The following DCAF1 variants were observed in gnomAD, a reference collection of about 807,000 sequenced individuals.
The protein encoded by DCAF1 is DDB1- and CUL4-associated factor 1.
A neutral mutation model predicts 128.0 loss-of-function variants in DCAF1; 15 were observed. The observed-to-expected ratio is 0.12, with a 90% CI of 0.08 to 0.18. DCAF1 has a LOEUF of 0.18. Ranked by LOEUF, DCAF1 falls within the 10% of genes least tolerant of loss-of-function variation. The pLI is 1.00. For synonymous variants in DCAF1, 610 were observed against 603.0 expected (o/e 1.01, Z -0.17); for missense variants, 988 against 1,649.5 (o/e 0.60, Z 6.95).
rs1553631463 is a variant in DCAF1, at chr3:51,418,873, G to A, written c.3240C>T (p.Phe1080=). 1 of 1,605,128 alleles carries A rather than the reference G, an allele frequency of 6.2e-7. No individual in the cohort carries two copies. The highest frequency in any genetic ancestry group is 8.5e-7 in the Non-Finnish European group (1 of 1,175,592). ...CTTCCCGGAACACTGAAATAGGACGGAATCTAAGCAAAAAAAAGAGAGAAT... is the reference window on the plus strand; with the variant it reads ...CTTCCCGGAACACTGAAATAGGACGAAATCTAAGCAAAAAAAAGAGAGAAT... ...CFDRHLIFSR[F]RPISVFREAN... The change falls in exon 16 of 25, where the codon TTC becomes TTT. Residue 1080 remains phenylalanine, a synonymous_variant. Coordinates refer to ENST00000684031, the MANE Select transcript of DCAF1 (RefSeq NM_001387579.1).
At chr3:51,434,329 G>A (rs1345567762) in intron 9 of DCAF1, among the ~76,000 whole-genome samples, 15 of 151,594 alleles carry the variant, frequency 9.9e-5, no homozygotes, top group African/African-American at 3.4e-4. Context: ...TTGAGCCGGG[G>A]AGTTCAAGGC....
intron 1 of DCAF1, among the ~76,000 whole-genome samples, chr3:51,499,312 T>A (rs1050610236): frequency 6.6e-6 from 1 of 152,068 alleles, no homozygotes; most frequent in Non-Finnish European, 1.5e-5. Context: ...CCCTCTTTCA[T>A]GGGGATGGGA....
chr3:51,459,973 A>G (rs2108000840), intron 6 of DCAF1, among the ~76,000 whole-genome samples: 1 of 152,328 alleles, frequency 6.6e-6, no homozygotes, highest in South Asian at 2.1e-4. Context: ...AAAAACTGGA[A>G]GCATTCCCTT....
chr3:51,415,643 A>C (rs1161066450), intron 18 of DCAF1, among the ~76,000 whole-genome samples: 5 of 152,238 alleles, frequency 3.3e-5, no homozygotes, highest in African/African-American at 1.2e-4. Context: ...GCTGGAGTAC[A>C]GTGACATAAT....
At position 51,419,771 on chromosome 3, in the gene DCAF1, C is replaced by T; in HGVS notation, c.3199G>A (p.Asp1067Asn). The T allele has an allele frequency of 6.2e-7, 1 of 1,613,752 alleles. No individual in the cohort carries two copies. The highest frequency in any genetic ancestry group is 8.5e-7 in the Non-Finnish European group (1 of 1,179,710). The change falls in exon 15 of 25, where the codon GAT (aspartate) becomes AAT (asparagine). Residue 1067 changes from aspartate (D) to asparagine (N), a missense_variant. This residue lies in a region of DCAF1 where 105 missense variants were observed against 266.7 expected (regional missense o/e 0.39). Transcript: ENST00000684031. ...AGGTGCCTATCAAAGCATCCGCCAT[C>T]CACCCCTCCATACTTTGGAAATGAT... is the stretch of plus-strand genomic sequence containing the variant. Reference protein sequence around the residue: ...RASFPKYGGVDGGCFDRHLIF... With the variant: ...RASFPKYGGVNGGCFDRHLIF...
At chr3:51,418,292 A>G (rs1399947413) in intron 16 of DCAF1, 94 bp from the exon 17 acceptor site, 5 of 1,507,822 alleles carry the variant, frequency 3.3e-6, no homozygotes, top group Non-Finnish European at 3.5e-6. Context: ...TTGCATAAAA[A>G]TGTTGTTGAA....
At chr3:51,478,113 C>A (rs1705708448) in intron 3 of DCAF1, among the ~76,000 whole-genome samples, 1 of 152,182 alleles carries the variant, frequency 6.6e-6, no homozygotes, top group Non-Finnish European at 1.5e-5. Context: ...AAGCAATCCT[C>A]CTACCTCAGC....
At position 51,403,304 on chromosome 3, in the gene DCAF1, G is replaced by A. The variant is rs757754306; in HGVS notation, c.4304C>T (p.Ala1435Val). The A allele has an allele frequency of 5.1e-6, 8 of 1,583,830 alleles. No homozygotes were observed. The highest frequency in any genetic ancestry group is 1.1e-5 in the South Asian group (1 of 87,150). The change falls in exon 24 of 25, where the codon GCG becomes GTG. Residue 1435 changes from alanine to valine, a missense_variant. Physicochemically the swap from Ala to Val is moderately conservative, Grantham distance 64. This residue lies in a region of DCAF1 where 97 missense variants were observed against 134.5 expected (regional missense o/e 0.72). Transcript: ENST00000684031. ...ATTATTGTCGTCCTCCTCCAACTCC[G>A]CCTCCAGCAACTGGTCAGTGTCAAG... Reference protein sequence around the residue: ...DELDTDQLLEAELEEDDNNEN... With the variant: ...DELDTDQLLEVELEEDDNNEN...
rs370017690 is a variant in DCAF1 at position 51,463,265 on chromosome 3, T to C, written c.262-38A>G. On this transcript the variant is annotated intron_variant, in intron 5 of 24. Coordinates refer to ENST00000684031, the MANE Select transcript of DCAF1 (RefSeq NM_001387579.1). ...AAAAGAAATACTGTTCATCTAAAAT[T>C]CAACCCAGTCAAATTAAGGACATCT... 8 of 1,375,976 alleles carry C rather than the reference T, an allele frequency of 5.8e-6. No homozygotes were observed. The African/African-American group carries it at 1.2e-4, about 20-fold the overall frequency. The allele number at this position is 1,375,976 out of a possible 1,614,324, so 85.2% of individuals were successfully genotyped here. A position where few individuals can be genotyped will look rare whatever the true frequency, so the allele number is the denominator to read the frequency against.
intron 2 of DCAF1, among the ~76,000 whole-genome samples, chr3:51,485,455 C>T (rs1174755768): frequency 6.6e-6 from 1 of 152,122 alleles, no homozygotes; most frequent in Non-Finnish European, 1.5e-5. Context: ...AATAAGACAC[C>T]CACATATGAG....
chr3:51,440,799 G>A (rs1263599103), intron 9 of DCAF1, among the ~76,000 whole-genome samples, 171 bp downstream of exon 9: 1 of 151,732 alleles, frequency 6.6e-6, no homozygotes, highest in Non-Finnish European at 1.5e-5. Context: ...CCAGCTACTC[G>A]GGAGGCTGAG....
At chr3:51,398,916 T>A (rs1221137385) in intron 24 of DCAF1, 89 bp from the exon 25 acceptor site, 10 of 1,492,444 alleles carry the variant, frequency 6.7e-6, no homozygotes, top group Admixed American at 2.0e-5. Flanking sequence ...CATACATTCA[T>A]GCCCGAGCAA....
At chr3:51,457,857 A>G (rs1553643297) in intron 6 of DCAF1, among the ~76,000 whole-genome samples, 1 of 152,190 alleles carries the variant, frequency 6.6e-6, no homozygotes, top group African/African-American at 2.4e-5. Context: ...ACAGACAAGC[A>G]AATGCTGAGA....
intron 6 of DCAF1, among the ~76,000 whole-genome samples, chr3:51,450,828 C>G (rs949809636): frequency 6.6e-6 from 1 of 151,880 alleles, no homozygotes; most frequent in Non-Finnish European, 1.5e-5. Flanking sequence ...ACTGGAAGTT[C>G]TAGTGAGAGT....
intron 3 of DCAF1, among the ~76,000 whole-genome samples, chr3:51,476,313 C>A (rs1194433147): frequency 2.0e-5 from 3 of 151,468 alleles, no homozygotes. Flanking sequence ...CTCACTTCAG[C>A]CAGGGAGGCA....
intron 3 of DCAF1, among the ~76,000 whole-genome samples, chr3:51,482,617 T>C (rs1706351802): frequency 6.9e-6 from 1 of 144,802 alleles, no homozygotes; most frequent in Admixed American, 7.0e-5. Context: ...ATACAAAAAT[T>C]AGCCGGGTGT....
upstream of DCAF1, among the ~76,000 whole-genome samples, chr3:51,500,814 T>G (rs998011124): frequency 2.1e-3 from 293 of 140,088 alleles, 1 homozygote; most frequent in Non-Finnish European, 3.9e-3. Context: ...TTCTCTGTCT[T>G]TTTTTTTTTT....
At chr3:51,439,997 A>C (rs2107671522) in intron 9 of DCAF1, among the ~76,000 whole-genome samples, 1 of 152,026 alleles carries the variant, frequency 6.6e-6, no homozygotes, top group African/African-American at 2.4e-5. Flanking sequence ...ATCTCAAAAA[A>C]GAAAAAAAGA....
At chr3:51,482,444 A>G (rs1310727250) in intron 3 of DCAF1, among the ~76,000 whole-genome samples, 1 of 150,526 alleles carries the variant, frequency 6.6e-6, no homozygotes, top group African/African-American at 2.4e-5. Context: ...GTCTCCAAAA[A>G]AACAGAGCCA....
Sources: allele counts gnomAD v4.1 joint callset (sites outside exome capture counted in the v4.1 genomes callset), GRCh38; gene constraint gnomAD v4.1.1; regional missense constraint gnomAD v4.1.1; transcripts MANE v1.5; gene names NCBI Gene and HGNC (gene_info 2026-07-23, HGNC 2026-07-21).